Variants in LARP1B observed in about 807,000 individuals in gnomAD.
LARP1B encodes la-related protein 1B.
Under a neutral mutation model 114.2 loss-of-function variants are expected in LARP1B, and 76 were observed. The observed-to-expected ratio is 0.67, with a 90% CI of 0.55 to 0.81. LARP1B has a LOEUF of 0.81. LARP1B is among the 30% of genes least tolerant of loss of function. The probability of loss-of-function intolerance (pLI) is 0.00; values close to 1 mark genes in which losing one functional copy is unlikely to be tolerated. For synonymous variants in LARP1B, 345 were observed against 348.0 expected, an observed-to-expected ratio of 0.99 and a Z score of 0.10; for missense variants, 1,014 against 1,075.8, an observed-to-expected ratio of 0.94 and a Z score of 0.80.
At chr4:128,209,057 A>G (rs961439604) in intron 19 of LARP1B, among the ~76,000 whole-genome samples, 21 of 152,246 alleles carry the variant, frequency 1.4e-4, no homozygotes, top group African/African-American at 5.1e-4. Context: ...CTTGGAGCCA[A>G]GGAACCCAGC....
At chr4:128,080,350 A>G (rs1490239635) in intron 4 of LARP1B, among the ~76,000 whole-genome samples, 1 of 152,184 alleles carries the variant, frequency 6.6e-6, no homozygotes, top group Non-Finnish European at 1.5e-5. Flanking sequence ...TTGTAGTTAG[A>G]ACAATTGGTA....
chr4:128,183,437 C>A (rs1236770274), intron 15 of LARP1B, among the ~76,000 whole-genome samples: 1 of 152,178 alleles, frequency 6.6e-6, no homozygotes, highest in Non-Finnish European at 1.5e-5. Flanking sequence ...TATGTGACAG[C>A]ACATCTACTT....
chr4:128,115,267 T>C (rs1372715328), intron 10 of LARP1B, among the ~76,000 whole-genome samples: 1 of 152,162 alleles, frequency 6.6e-6, no homozygotes, highest in Non-Finnish European at 1.5e-5. Context: ...TGAACATGAT[T>C]TAAGAATTTT....
chr4:128,147,920 A>G (rs1008211654), intron 11 of LARP1B, among the ~76,000 whole-genome samples: 1 of 152,180 alleles, frequency 6.6e-6, no homozygotes, highest in African/African-American at 2.4e-5. Flanking sequence ...AGAGTTTACA[A>G]CTTTTTTTTG....
intron 1 of LARP1B, chr4:128,061,605 G>C (rs1278734564): frequency 2.5e-5 from 22 of 897,064 alleles, no homozygotes; most frequent in Non-Finnish European, 2.9e-5. Context: ...TCCCCAGTTG[G>C]AGCCGGCCGG....
intron 11 of LARP1B, among the ~76,000 whole-genome samples, chr4:128,136,099 C>A (rs951800084): frequency 6.6e-6 from 1 of 151,976 alleles, no homozygotes; most frequent in Non-Finnish European, 1.5e-5. Flanking sequence ...TCGAGACCAG[C>A]CTGGCCAACA....
intron 10 of LARP1B, among the ~76,000 whole-genome samples, chr4:128,120,519 G>C (rs539725360): frequency 1.2e-4 from 18 of 150,520 alleles, no homozygotes; most frequent in African/African-American, 4.4e-4. Flanking sequence ...CACAATCTCA[G>C]CTCACTGCAG....
intron 15 of LARP1B, among the ~76,000 whole-genome samples, chr4:128,184,733 C>T (rs1237460305): frequency 7.2e-5 from 11 of 152,166 alleles, no homozygotes; most frequent in African/African-American, 7.2e-5. Flanking sequence ...TGCTTTTCAC[C>T]GCCCTTCCCC....
chr4:128,200,899 A>T (rs1755733350), intron 17 of LARP1B, among the ~76,000 whole-genome samples: 1 of 152,314 alleles, frequency 6.6e-6, no homozygotes, highest in Non-Finnish European at 1.5e-5. Context: ...AAAACAATAA[A>T]CATTTGTTAG....
chr4:128,073,789 C>A (rs987606781), intron 1 of LARP1B, among the ~76,000 whole-genome samples: 10 of 151,410 alleles, frequency 6.6e-5, no homozygotes, highest in African/African-American at 1.7e-4. Context: ...TGGGGTTTCA[C>A]CATGTTGGCC....
chr4:128,154,189 A>G (rs1386593810), intron 11 of LARP1B, among the ~76,000 whole-genome samples: 1 of 152,192 alleles, frequency 6.6e-6, no homozygotes, highest in African/African-American at 2.4e-5. Flanking sequence ...GACACCAAAG[A>G]AAGACTTTGC....
intron 15 of LARP1B, among the ~76,000 whole-genome samples, chr4:128,183,830 C>G (rs1749407700): frequency 1.3e-5 from 2 of 152,226 alleles, no homozygotes; most frequent in South Asian, 2.1e-4. Context: ...GTCAAAATAT[C>G]AACATTAACA....
At chr4:128,130,412 A>G (rs1286622909) in intron 11 of LARP1B, among the ~76,000 whole-genome samples, 2 of 152,248 alleles carry the variant, frequency 1.3e-5, no homozygotes, top group African/African-American at 4.8e-5. Flanking sequence ...ACCAAAGAAG[A>G]TAAACAGCAA....
intron 10 of LARP1B, 92 bp from the exon 11 acceptor site, chr4:128,121,734 C>T (rs986499744): frequency 2.3e-6 from 2 of 861,546 alleles, no homozygotes; most frequent in Admixed American, 3.3e-5. Flanking sequence ...AGCATAAAAG[C>T]TTGATATTAC....
rs1176329112 is a variant in LARP1B, at chr4:128,122,029, A to T, written c.1365A>T (p.Pro455=). 1 of 1,613,884 alleles carries T rather than the reference A, an allele frequency of 6.2e-7. No homozygotes were observed. The highest frequency in any genetic ancestry group is 8.5e-7 in the Non-Finnish European group (1 of 1,179,928). The part of the protein sequence containing the change: ...LNKILIVTQT[P]PYVKKHPGGD... ...AGATTTTGATTGTAACTCAGACACC[A>T]CCTTATGTGAAAAAACATCCTGGAG... is the stretch of plus-strand genomic sequence containing the variant. The change falls in exon 11 of 20, where the codon CCA becomes CCT. Residue 455 remains proline (P), a synonymous_variant. Transcript: ENST00000326639.
At chr4:128,119,487 C>G (rs1481950712) in intron 10 of LARP1B, among the ~76,000 whole-genome samples, 3 of 152,104 alleles carry the variant, frequency 2.0e-5, no homozygotes, top group Non-Finnish European at 4.4e-5. Flanking sequence ...AATTCTTGGG[C>G]TTTTAGTTGG....
At chr4:128,221,162 C>T (rs1759995534) in intron 7 of LARP1B, among the ~76,000 whole-genome samples, 1 of 151,936 alleles carries the variant, frequency 6.6e-6, no homozygotes. Flanking sequence ...AAATGATTTA[C>T]AATATATGCT....
chr4:128,062,034 T>TGCCGCC, intron 1 of LARP1B: 1 of 984,236 alleles, frequency 1.0e-6, no homozygotes, highest in Non-Finnish European at 1.2e-6. Flanking sequence ...CCGTCGCCGT[T>TGCCGCC]GCCGCCGTTG....
At chr4:128,214,534 C>T (rs1467303552), downstream of LARP1B, among the ~76,000 whole-genome samples, 1 of 152,092 alleles carries the variant, frequency 6.6e-6, no homozygotes, top group Non-Finnish European at 1.5e-5. Context: ...CAGGGGCACA[C>T]TGACACCTCA....
Sources: gnomAD v4.1 joint callset for allele counts (sites outside exome capture counted in the v4.1 genomes callset) on GRCh38, gnomAD v4.1.1 for gene constraint, MANE v1.5 for transcripts, NCBI Gene and HGNC (gene_info 2026-07-23, HGNC 2026-07-21) for gene names.